The following CNTNAP5 variants were observed in gnomAD, a reference collection of about 807,000 sequenced individuals.
CNTNAP5 encodes the protein contactin-associated protein-like 5.
Under a neutral mutation model 150.2 loss-of-function variants are expected in CNTNAP5, and 72 were observed. That is an observed-to-expected ratio of 0.48 (90% CI 0.40 to 0.58). CNTNAP5 has a LOEUF of 0.58. CNTNAP5 is among the 20% of genes least tolerant of loss of function. The pLI is 0.00. For synonymous variants in CNTNAP5, 672 were observed against 619.8 expected (o/e 1.08, Z -1.25); for missense variants, 1,636 against 1,626.2 (o/e 1.01, Z -0.10).
At chr2:124,402,515 G>C (rs1175360979) in intron 3 of CNTNAP5, among the ~76,000 whole-genome samples, 1 of 152,202 alleles carries the variant, frequency 6.6e-6, no homozygotes, top group Non-Finnish European at 1.5e-5. Context: ...GATCAGACTG[G>C]AATGCCAGCT....
At chr2:124,344,525 T>C (rs1185085649) in intron 3 of CNTNAP5, among the ~76,000 whole-genome samples, 2 of 152,002 alleles carry the variant, frequency 1.3e-5, no homozygotes, top group African/African-American at 4.8e-5. Flanking sequence ...ATCCCAACAC[T>C]GTGGGAGGCC....
intron 3 of CNTNAP5, among the ~76,000 whole-genome samples, chr2:124,323,477 A>G (rs1380241606): frequency 6.6e-6 from 1 of 152,230 alleles, no homozygotes; most frequent in Non-Finnish European, 1.5e-5. Context: ...GTGCAAGGGA[A>G]TCAAGTGCAG....
At chr2:124,796,585 C>T (rs779603322) in intron 18 of CNTNAP5, among the ~76,000 whole-genome samples, 2 of 152,160 alleles carry the variant, frequency 1.3e-5, no homozygotes, top group Non-Finnish European at 2.9e-5. Flanking sequence ...ATCTGCTAGG[C>T]AATATGCATA....
chr2:124,610,925 C>T (rs1374825117), intron 12 of CNTNAP5, among the ~76,000 whole-genome samples: 1 of 149,300 alleles, frequency 6.7e-6, no homozygotes, highest in Non-Finnish European at 1.5e-5. Context: ...CCACTGCACT[C>T]CAGCCTGCGA....
chr2:124,431,679 T>C (rs1178735340), intron 4 of CNTNAP5, among the ~76,000 whole-genome samples: 6 of 146,912 alleles, frequency 4.1e-5, no homozygotes, highest in African/African-American at 7.4e-5. Context: ...TATATAAATA[T>C]AAATAAATTT....
chr2:124,140,128 A>G (rs1349231188), intron 1 of CNTNAP5, among the ~76,000 whole-genome samples: 24 of 151,636 alleles, frequency 1.6e-4, no homozygotes, highest in East Asian at 2.0e-4. Context: ...CACCTGGCTC[A>G]GAGGGTCCTA....
chr2:124,876,633 T>A (rs1412392751), intron 21 of CNTNAP5, among the ~76,000 whole-genome samples: 4 of 152,022 alleles, frequency 2.6e-5, no homozygotes, highest in African/African-American at 7.2e-5. Context: ...AGAACAAGTT[T>A]ATAGCTTCCA....
intron 13 of CNTNAP5, among the ~76,000 whole-genome samples, chr2:124,742,415 A>C (rs1233304756): frequency 1.3e-5 from 2 of 151,864 alleles, no homozygotes; most frequent in Non-Finnish European, 2.9e-5. Context: ...AGCAAAACAC[A>C]CTCATGGTTA....
chr2:124,511,389 TTTTG>T (rs1694585679), intron 8 of CNTNAP5, among the ~76,000 whole-genome samples: 2 of 152,236 alleles, frequency 1.3e-5, no homozygotes, highest in East Asian at 3.9e-4. Context: ...TAGCTTAAGT[TTTTG>T]TTTGTTTGTT....
intron 3 of CNTNAP5, among the ~76,000 whole-genome samples, chr2:124,365,715 T>A (rs1573945279): frequency 6.6e-6 from 1 of 152,290 alleles, no homozygotes; most frequent in African/African-American, 2.4e-5. Context: ...CCTTTATGCA[T>A]TCCTAATATG....
At chr2:124,650,381 C>A (rs1032102826) in intron 13 of CNTNAP5, among the ~76,000 whole-genome samples, 1 of 152,180 alleles carries the variant, frequency 6.6e-6, no homozygotes, top group African/African-American at 2.4e-5. Flanking sequence ...ACAGAAGCCA[C>A]CTCGTCCCCC....
intron 10 of CNTNAP5, among the ~76,000 whole-genome samples, chr2:124,538,409 T>G (rs1573445014): frequency 6.6e-6 from 1 of 151,906 alleles, no homozygotes; most frequent in African/African-American, 2.4e-5. Flanking sequence ...ACCCAGGATG[T>G]AGAGGATGCA....
intron 12 of CNTNAP5, among the ~76,000 whole-genome samples, chr2:124,644,680 T>C (rs550820689): frequency 6.6e-6 from 1 of 152,298 alleles, no homozygotes; most frequent in African/African-American, 2.4e-5. Flanking sequence ...AAGAGACAGA[T>C]ACAGATGATA....
At chr2:124,527,574 G>T in intron 10 of CNTNAP5, 118 bp downstream of exon 10, 1 of 733,906 alleles carries the variant, frequency 1.4e-6, no homozygotes, top group Non-Finnish European at 2.1e-6. Context: ...AGACATAATT[G>T]AGTTGCCTAA....
chr2:124,446,698 G>A (rs747292959), intron 5 of CNTNAP5, 55 bp from the exon 6 acceptor site: 30 of 1,556,258 alleles, frequency 1.9e-5, no homozygotes, highest in Non-Finnish European at 2.5e-5. Flanking sequence ...GCATTCTGGT[G>A]TGCAAAGCTG....
chr2:124,525,081 C>T (rs1212711699), intron 9 of CNTNAP5, among the ~76,000 whole-genome samples: 1 of 152,132 alleles, frequency 6.6e-6, no homozygotes, highest in Non-Finnish European at 1.5e-5. Context: ...GACAAAAACA[C>T]AAGGGCAAGC....
intron 10 of CNTNAP5, among the ~76,000 whole-genome samples, chr2:124,537,037 T>TGTGTGAGAGA (rs763560577): frequency 0.016 from 2,436 of 150,586 alleles, 66 homozygotes; most frequent in African/African-American, 0.055. Flanking sequence ...TGTGTGTGTG[T>TGTGTGAGAGA]GAGAGAGAGA....
intron 3 of CNTNAP5, among the ~76,000 whole-genome samples, chr2:124,292,847 CG>C (rs1688335073): frequency 6.6e-6 from 1 of 151,766 alleles, no homozygotes; most frequent in Non-Finnish European, 1.5e-5. Context: ...ACAAAGAAGC[CG>C]CAGGTAGTTA....
chr2:124,400,925 G>A (rs144530620), intron 3 of CNTNAP5, among the ~76,000 whole-genome samples: 6,378 of 151,732 alleles, frequency 0.042, 144 homozygotes, highest in Non-Finnish European at 0.045. Flanking sequence ...AGGCTGGAGC[G>A]CAGTTGCATG....
Sources: allele counts gnomAD v4.1 joint callset (sites outside exome capture counted in the v4.1 genomes callset), GRCh38; gene constraint gnomAD v4.1.1; transcripts MANE v1.5; gene names NCBI Gene and HGNC (gene_info 2026-07-23, HGNC 2026-07-21).